The following CBFA2T3 variants were observed in gnomAD, a reference collection of about 807,000 sequenced individuals.
CBFA2T3 encodes the protein transcriptional corepressor CBFA2T3.
A neutral mutation model predicts 58.6 loss-of-function variants in CBFA2T3; 31 were observed. The observed-to-expected ratio is 0.53, with a 90% CI of 0.40 to 0.71. The LOEUF is 0.71. CBFA2T3 is among the 30% of genes least tolerant of loss of function. The pLI, the probability that CBFA2T3 is intolerant of heterozygous loss-of-function variation, is 0.00. For missense variants in CBFA2T3, 1,076 were observed against 963.1 expected, an observed-to-expected ratio of 1.12 and a Z score of -1.55; for synonymous variants, 531 against 421.9, an observed-to-expected ratio of 1.26 and a Z score of -3.17.
Position 88,875,594 on chromosome 16 carries a change from G to A in CBFA2T3, c.*1382C>T, listed in dbSNP as rs13338375. 0.021 allele frequency: 4,798 copies of A among 233,738 alleles called. 236 individuals are homozygous for A. The highest frequency in any genetic ancestry group is 0.099 in the African/African-American group (4,492 of 45,280). 14.5% of individuals were successfully genotyped at this position (233,738 alleles called of 1,614,324 possible). The stretch of plus-strand genomic sequence containing the variant: ...GGGGCCGAGAGGTTGGAGTTGGGGC[G>A]ATGGGGCTGAGAGAGGTCGGAGCTG... On this transcript the variant is annotated 3_prime_UTR_variant, in exon 12 of 12. Coordinates refer to ENST00000268679, the MANE Select transcript of CBFA2T3 (RefSeq NM_005187.6).
intron 3 of CBFA2T3, 41 bp downstream of exon 3, chr16:88,898,037 A>G (rs1398079503): frequency 1.4e-6 from 2 of 1,446,228 alleles, no homozygotes; most frequent in Non-Finnish European, 1.9e-6. Flanking sequence ...GCTGCGGTGA[A>G]GACCTCTGGG....
chr16:88,933,087 C>T (rs987550660), intron 1 of CBFA2T3, among the ~76,000 whole-genome samples: 14 of 152,238 alleles, frequency 9.2e-5, no homozygotes, highest in South Asian at 4.1e-4. Flanking sequence ...GAAGTCCGCA[C>T]GCCCAGAGAC....
chr16:88,884,273 T>C (rs1399681533), intron 7 of CBFA2T3: 1 of 152,206 alleles, frequency 6.6e-6, no homozygotes, highest in African/African-American at 2.4e-5. Flanking sequence ...ACCCTGCTGC[T>C]GGGCCCCCAC....
At chr16:88,976,279 G>A (rs745313327) in intron 1 of CBFA2T3, among the ~76,000 whole-genome samples, 13 of 152,262 alleles carry the variant, frequency 8.5e-5, no homozygotes, top group East Asian at 1.9e-4. Context: ...TGTCACACCC[G>A]GAGGGCATCC....
At chr16:88,928,875 G>C (rs1037697888) in intron 1 of CBFA2T3, among the ~76,000 whole-genome samples, 5 of 152,256 alleles carry the variant, frequency 3.3e-5, no homozygotes, top group Admixed American at 2.6e-4. Context: ...GCAGGCGTCG[G>C]GGGGAGCATT....
chr16:88,878,087 C>T (rs1968910734), intron 11 of CBFA2T3, among the ~76,000 whole-genome samples: 1 of 152,266 alleles, frequency 6.6e-6, no homozygotes, highest in African/African-American at 2.4e-5. Flanking sequence ...GGTCCCTCCG[C>T]TGGGCCCGCT....
At chr16:88,925,104 C>T (rs12599811) in intron 1 of CBFA2T3, among the ~76,000 whole-genome samples, 23,452 of 152,286 alleles carry the variant, frequency 0.15, 2,243 homozygotes, top group Non-Finnish European at 0.22. Context: ...CACACAGCAA[C>T]GGCCTCGTCC....
At chr16:88,964,616 C>A (rs1355547361) in intron 1 of CBFA2T3, among the ~76,000 whole-genome samples, 2 of 152,224 alleles carry the variant, frequency 1.3e-5, no homozygotes, top group Non-Finnish European at 2.9e-5. Context: ...GAATAATACA[C>A]CTTTCACACA....
At chr16:88,883,277 C>T (rs746969263) in intron 7 of CBFA2T3, 59 of 164,912 alleles carry the variant, frequency 3.6e-4, no homozygotes, top group Middle Eastern at 2.8e-3. Context: ...CAGTCATTCG[C>T]GGCAGCCCTC....
chr16:88,946,139 C>G (rs192605262), intron 1 of CBFA2T3, among the ~76,000 whole-genome samples: 29 of 152,180 alleles, frequency 1.9e-4, no homozygotes, highest in African/African-American at 7.0e-4. Context: ...AAAACCTCGT[C>G]TCTACTAAAA....
chr16:88,941,324 C>G (rs1971722451), intron 1 of CBFA2T3: 1 of 232,918 alleles, frequency 4.3e-6, no homozygotes, highest in Non-Finnish European at 6.9e-6. Flanking sequence ...GTGGCTCCAA[C>G]GCCGCGCGCT....
intron 1 of CBFA2T3, among the ~76,000 whole-genome samples, chr16:88,956,608 G>C (rs1419225141): frequency 6.6e-6 from 1 of 152,234 alleles, no homozygotes; most frequent in Non-Finnish European, 1.5e-5. Flanking sequence ...CCGTGGCAGA[G>C]GGAGGCGAGG....
chr16:88,909,904 A>C (rs1970473733), intron 1 of CBFA2T3, among the ~76,000 whole-genome samples: 2 of 152,238 alleles, frequency 1.3e-5, no homozygotes, highest in South Asian at 4.1e-4. Context: ...AACCCAGGCC[A>C]AGGTAAACCC....
chr16:88,956,837 C>T (rs1480532946), intron 1 of CBFA2T3, among the ~76,000 whole-genome samples: 5 of 152,336 alleles, frequency 3.3e-5, no homozygotes, highest in South Asian at 2.1e-4. Flanking sequence ...CTCCAGGTGG[C>T]GTCACAGGGG....
chr16:88,909,439 C>T (rs1012052541), intron 1 of CBFA2T3, among the ~76,000 whole-genome samples: 5 of 140,242 alleles, frequency 3.6e-5, no homozygotes, highest in Admixed American at 2.9e-4. Flanking sequence ...CCAGGCAACC[C>T]CAGCGGCGGC....
At position 88,885,091 on chromosome 16, in the gene CBFA2T3, G is replaced by T. The variant is rs181515376; in HGVS notation, c.1072C>A (p.Arg358Ser). 8 of 1,602,400 alleles carry T rather than the reference G, an allele frequency of 5.0e-6. No homozygotes were observed. The African/African-American group carries it at 1.1e-4, about 21-fold the overall frequency. The change falls in exon 7 of 12, where the codon CGC becomes AGC. Residue 358 changes from arginine to serine, a missense_variant. Physicochemically the swap from Arg to Ser is moderately radical, Grantham distance 110. Coordinates refer to ENST00000268679, the MANE Select transcript of CBFA2T3 (RefSeq NM_005187.6). The surrounding 1 kb of genome is among the most constrained non-coding windows in gnomAD (Gnocchi z 5.3). ...CGTAGCTCCCGGGGGTCTGGGTGGC[G>T]GTAGGCATCTCGGAAGTGGTGGGCC... ...AMAHHFRDAYRHPDPRELRER... is the reference protein window; with the variant it reads ...AMAHHFRDAYSHPDPRELRER...
intron 1 of CBFA2T3, among the ~76,000 whole-genome samples, chr16:88,926,687 G>T (rs929157652): frequency 1.3e-5 from 2 of 152,240 alleles, no homozygotes; most frequent in African/African-American, 4.8e-5. Context: ...CCATGGTCCC[G>T]TGCGTGCCAG....
chr16:88,926,685 C>T (rs1597737118), intron 1 of CBFA2T3, among the ~76,000 whole-genome samples: 2 of 152,238 alleles, frequency 1.3e-5, no homozygotes, highest in African/African-American at 2.4e-5. Flanking sequence ...GGCCATGGTC[C>T]CGTGCGTGCC....
intron 1 of CBFA2T3, among the ~76,000 whole-genome samples, chr16:88,969,853 C>T (rs913857481): frequency 2.6e-5 from 4 of 152,202 alleles, no homozygotes; most frequent in African/African-American, 9.7e-5. Context: ...TTTGGCAGAG[C>T]CCCCGATCTT....
Sources: allele counts gnomAD v4.1 joint callset (sites outside exome capture counted in the v4.1 genomes callset), GRCh38; gene constraint gnomAD v4.1.1; non-coding constraint Gnocchi (gnomAD v3.1); transcripts MANE v1.5; gene names NCBI Gene and HGNC (gene_info 2026-07-23, HGNC 2026-07-21).